The following KIF26B variants were observed in gnomAD, a reference collection of about 807,000 sequenced individuals.
KIF26B encodes kinesin family member 26B.
In KIF26B, 63 loss-of-function variants were observed where a neutral mutation model predicts 151.2. The ratio of observed to expected loss-of-function variants is 0.42; its 90% CI spans 0.34 to 0.51. The LOEUF (loss-of-function observed/expected upper bound fraction) is 0.51, where lower values mean the gene tolerates loss of function less well. Ranked by LOEUF, KIF26B falls within the 20% of genes least tolerant of loss-of-function variation. The pLI, the probability that KIF26B is intolerant of heterozygous loss-of-function variation, is 0.07. For synonymous variants in KIF26B, 1,357 were observed against 1,262.1 expected (o/e 1.08, Z -1.59); for missense variants, 2,813 against 2,913.6 (o/e 0.97, Z 0.79).
intron 2 of KIF26B, among the ~76,000 whole-genome samples, chr1:245,192,851 G>T (rs1023272537): frequency 6.6e-6 from 1 of 152,090 alleles, no homozygotes. Flanking sequence ...TGGGTTTCTA[G>T]TGTACCCATC....
At chr1:245,448,339 C>G (rs1324732412) in intron 4 of KIF26B, among the ~76,000 whole-genome samples, 3 of 152,190 alleles carry the variant, frequency 2.0e-5, no homozygotes, top group Non-Finnish European at 4.4e-5. Context: ...TCCCAAGTAG[C>G]TGGGACTACA....
intron 10 of KIF26B, among the ~76,000 whole-genome samples, chr1:245,671,096 T>G (rs999045737): frequency 1.3e-5 from 2 of 152,180 alleles, no homozygotes; most frequent in African/African-American, 4.8e-5. Flanking sequence ...TGAGAACATG[T>G]GATGTTTGTC....
intron 9 of KIF26B, among the ~76,000 whole-genome samples, chr1:245,618,809 A>G (rs1231666437): frequency 7.9e-6 from 1 of 126,358 alleles, no homozygotes; most frequent in African/African-American, 3.1e-5. Flanking sequence ...TGTCCGCTGC[A>G]TGCTGTTGGT....
chr1:245,562,044 G>A (rs2282380), intron 5 of KIF26B, among the ~76,000 whole-genome samples: 12,561 of 152,050 alleles, frequency 0.083, 1,385 homozygotes, highest in East Asian at 0.59. Context: ...AGATGACCTG[G>A]GGGGCATCTT....
intron 2 of KIF26B, among the ~76,000 whole-genome samples, chr1:245,179,812 G>C (rs576889419): frequency 1.3e-5 from 2 of 152,316 alleles, no homozygotes; most frequent in East Asian, 3.9e-4. Context: ...TCTGAGCCAC[G>C]AGGACAAGCA....
chr1:245,210,790 C>T (rs893167870), intron 2 of KIF26B, among the ~76,000 whole-genome samples: 2 of 152,006 alleles, frequency 1.3e-5, no homozygotes, highest in Admixed American at 6.5e-5. Context: ...TTCCCAAGCC[C>T]GTCCTCAGCC....
chr1:245,472,976 C>T (rs900461423), intron 4 of KIF26B, among the ~76,000 whole-genome samples: 5 of 152,234 alleles, frequency 3.3e-5, no homozygotes, highest in Non-Finnish European at 7.3e-5. Flanking sequence ...AATCACCAAG[C>T]CTGGTCATTT....
intron 5 of KIF26B, among the ~76,000 whole-genome samples, chr1:245,590,852 G>T (rs965064981): frequency 1.3e-5 from 2 of 150,082 alleles, no homozygotes; most frequent in Non-Finnish European, 2.9e-5. Flanking sequence ...CGGTTGCAGT[G>T]AGCAGAGCTC....
chr1:245,206,193 C>A (rs1041650988), intron 2 of KIF26B, among the ~76,000 whole-genome samples: 10 of 152,192 alleles, frequency 6.6e-5, no homozygotes, highest in African/African-American at 1.9e-4. Flanking sequence ...TATTCTCCAG[C>A]TCCCTGTAAA....
intron 4 of KIF26B, among the ~76,000 whole-genome samples, chr1:245,451,744 C>A (rs1336028449): frequency 6.6e-6 from 1 of 151,658 alleles, no homozygotes; most frequent in Non-Finnish European, 1.5e-5. Context: ...GGATTACAGG[C>A]ACCCGCCATC....
chr1:245,350,558 C>T (rs1672546585), intron 2 of KIF26B, among the ~76,000 whole-genome samples: 2 of 151,616 alleles, frequency 1.3e-5, no homozygotes, highest in Admixed American at 1.3e-4. Context: ...GATCTTTGAC[C>T]ATGGGTAGAC....
In KIF26B at chr1:245,687,433, C is replaced by T. The variant is rs777728880; in HGVS notation, c.4450C>T (p.Pro1484Ser). 25 of 1,587,848 alleles carry T rather than the reference C, an allele frequency of 1.6e-5. No individual in the cohort carries two copies. The Admixed American group carries it at 4.5e-4, about 28-fold the overall frequency. ...AGCAGAGCAGGAGCAGGACGGAAAG[C>T]CCAGTCCGGGAGACAGGCTCAGCAG... ...TRAEQEQDGKPSPGDRLSSSS... is the reference protein window; with the variant it reads ...TRAEQEQDGKSSPGDRLSSSS... Residue 1484 changes from proline to serine, a missense_variant, in exon 12 of 15, where the codon CCC (proline) becomes TCC (serine). Pro to Ser is a moderately conservative substitution (Grantham distance 74). Coordinates refer to ENST00000407071, the MANE Select transcript of KIF26B (RefSeq NM_018012.4). This position sits in a 1 kb window ranked among gnomAD's most constrained non-coding sequence, Gnocchi z 4.9.
chr1:245,262,629 A>G (rs1306862869), intron 2 of KIF26B, among the ~76,000 whole-genome samples: 1 of 151,644 alleles, frequency 6.6e-6, no homozygotes, highest in Non-Finnish European at 1.5e-5. Context: ...TAACTTTTGT[A>G]TTTTCAGGAG....
At chr1:245,226,571 C>G (rs1669879256) in intron 2 of KIF26B, among the ~76,000 whole-genome samples, 1 of 152,026 alleles carries the variant, frequency 6.6e-6, no homozygotes, top group African/African-American at 2.4e-5. Context: ...CTAAGCGATT[C>G]TCCTGCCTCA....
intron 3 of KIF26B, among the ~76,000 whole-genome samples, chr1:245,399,837 A>G (rs990843987): frequency 4.6e-5 from 7 of 152,350 alleles, no homozygotes; most frequent in Admixed American, 2.0e-4. Context: ...CTCGCAGGCT[A>G]TCATACAGAC....
chr1:245,432,270 A>G (rs1239747480), intron 4 of KIF26B, among the ~76,000 whole-genome samples: 1 of 152,180 alleles, frequency 6.6e-6, no homozygotes, highest in East Asian at 1.9e-4. Context: ...AGTTCAAACC[A>G]CATGCTCAGG....
chr1:245,351,445 C>G (rs1332108217), intron 2 of KIF26B, among the ~76,000 whole-genome samples: 2 of 152,060 alleles, frequency 1.3e-5, no homozygotes, highest in Non-Finnish European at 2.9e-5. Context: ...CTCAGCTATG[C>G]CTTTTCCCGT....
At chr1:245,534,749 A>G (rs1661452204) in intron 4 of KIF26B, among the ~76,000 whole-genome samples, 2 of 151,784 alleles carry the variant, frequency 1.3e-5, no homozygotes, top group African/African-American at 4.8e-5. Context: ...CATTAATTAC[A>G]TAAAATATAC....
chr1:245,637,529 T>C (rs753522613), intron 9 of KIF26B, among the ~76,000 whole-genome samples: 1 of 152,086 alleles, frequency 6.6e-6, no homozygotes, highest in Non-Finnish European at 1.5e-5. Flanking sequence ...GTAATCCCAC[T>C]TGTCTATTTT....
Sources: allele counts gnomAD v4.1 joint callset (sites outside exome capture counted in the v4.1 genomes callset), GRCh38; gene constraint gnomAD v4.1.1; non-coding constraint Gnocchi (gnomAD v3.1); transcripts MANE v1.5; gene names NCBI Gene and HGNC (gene_info 2026-07-23, HGNC 2026-07-21).